The following ST3GAL4 variants were observed in gnomAD, a reference collection of about 807,000 sequenced individuals.
ST3GAL4 encodes CMP-N-acetylneuraminate-beta-galactosamide-alpha-2,3-sialyltransferase 4.
Under a neutral mutation model 42.6 loss-of-function variants are expected in ST3GAL4, and 24 were observed. The observed-to-expected ratio is 0.56, with a 90% CI of 0.41 to 0.79. The LOEUF is 0.79. ST3GAL4 is among the 30% of genes least tolerant of loss of function. The pLI is 0.00. For missense variants in ST3GAL4, 311 were observed against 430.8 expected, an observed-to-expected ratio of 0.72 and a Z score of 2.46; for synonymous variants, 135 against 163.2, an observed-to-expected ratio of 0.83 and a Z score of 1.32.
rs1953551452 is a variant in ST3GAL4, at chr11:126,392,341, C to CAG, written c.-60-13753_-60-13752dup. On this transcript the variant is annotated intron_variant, in intron 1 of 10. Coordinates refer to ENST00000444328, the MANE Select transcript of ST3GAL4 (RefSeq NM_001254757.2). This position sits in a 1 kb window ranked among gnomAD's most constrained non-coding sequence, Gnocchi z 5.8. ...GGACATCAGTTCTGATATGGTGCAG[C>CAG]AGACATGGAGCTGGTAAGTGGTTAA... is the stretch of plus-strand genomic sequence containing the variant. 2.0e-6 allele frequency: 2 copies of CAG among 985,792 alleles called. No individual in the cohort carries two copies. The highest frequency in any genetic ancestry group is 1.2e-4 in the Admixed American group (2 of 16,266). The allele number at this position is 985,792 out of a possible 1,614,324, so 61.1% of individuals were successfully genotyped here. A position where few individuals can be genotyped will look rare whatever the true frequency, so the allele number is the denominator to read the frequency against.
intron 1 of ST3GAL4, among the ~76,000 whole-genome samples, chr11:126,388,835 G>T (rs1399183217): frequency 1.6e-5 from 2 of 122,798 alleles, no homozygotes; most frequent in Non-Finnish European, 3.2e-5. Flanking sequence ...GCAGTGCAAT[G>T]ACACGATCTT....
At chr11:126,380,356 A>G (rs926127323) in intron 1 of ST3GAL4, among the ~76,000 whole-genome samples, 3 of 152,018 alleles carry the variant, frequency 2.0e-5, no homozygotes, top group African/African-American at 7.2e-5. Context: ...ACCTGGTGGG[A>G]TATACTTTGG....
intron 1 of ST3GAL4, among the ~76,000 whole-genome samples, chr11:126,401,560 A>G (rs12285472): frequency 0.059 from 8,965 of 151,208 alleles, 906 homozygotes; most frequent in African/African-American, 0.21. Context: ...CCTCTCAGAA[A>G]AAAAAAAAGA....
rs866808284 is a variant in ST3GAL4 at position 126,376,534 on chromosome 11, A to G, written c.-61+20692A>G. 2.6e-5 allele frequency among the ~76,000 whole-genome samples: 4 copies of G among 152,188 alleles called. No individual in the cohort carries two copies. The highest frequency in any genetic ancestry group is 5.9e-5 in the Non-Finnish European group (4 of 68,026). On this transcript the variant is annotated intron_variant, in intron 1 of 10. Transcript: ENST00000444328. This position sits in a 1 kb window ranked among gnomAD's most constrained non-coding sequence, Gnocchi z 5.1. ...TTAGTTGGCTACTTATGATTGGCTGAAGTTTTATTTGTGTCAAACAGAAGC... is the reference window on the plus strand; with the variant it reads ...TTAGTTGGCTACTTATGATTGGCTGGAGTTTTATTTGTGTCAAACAGAAGC...
intron 1 of ST3GAL4, among the ~76,000 whole-genome samples, chr11:126,390,330 TG>T (rs771916933): frequency 1.2e-4 from 18 of 151,530 alleles, no homozygotes; most frequent in Admixed American, 2.0e-4. Context: ...CCAGTTTGTT[TG>T]TTTTTTTTTG....
In ST3GAL4 at chr11:126,391,622, TG is replaced by T. The variant is rs1458185161; in HGVS notation, c.-60-14472del. Among the ~76,000 whole-genome samples, 1 of 152,214 alleles carries T rather than the reference TG, an allele frequency of 6.6e-6. No individual in the cohort carries two copies. The highest frequency in any genetic ancestry group is 1.5e-5 in the Non-Finnish European group (1 of 68,024). ...CATTCAGTGCAGGGCAGAGCCTGGG[TG>T]GCAGTGCCTCTCCTTGCCTCCCTGG... On this transcript the variant is annotated intron_variant, in intron 1 of 10. Transcript: ENST00000444328. The surrounding 1 kb of genome is among the most constrained non-coding windows in gnomAD (Gnocchi z 5.5).
chr11:126,397,071 C>T lies in ST3GAL4; in HGVS notation c.-60-9025C>T, dbSNP rs1953807809. 2.0e-5 allele frequency among the ~76,000 whole-genome samples: 3 copies of T among 152,228 alleles called. No homozygotes were observed. Among genetic ancestry groups the T allele is most frequent in the African/African-American group, 7.2e-5 (3 of 41,468 alleles). Reference sequence around the variant, plus strand: ...CCCGCAACAGTGAACTCTCTGGCCCCTCCAAGTCAGTGGTGCAGAGATTGA... The same window carrying T: ...CCCGCAACAGTGAACTCTCTGGCCCTTCCAAGTCAGTGGTGCAGAGATTGA... On this transcript the variant is annotated intron_variant, in intron 1 of 10. Coordinates refer to ENST00000444328, the MANE Select transcript of ST3GAL4 (RefSeq NM_001254757.2). The surrounding 1 kb of genome is among the most constrained non-coding windows in gnomAD (Gnocchi z 5.0).
At chr11:126,407,776 T>C in intron 6 of ST3GAL4, 142 bp downstream of exon 6, 2 of 942,942 alleles carry the variant, frequency 2.1e-6, no homozygotes. Flanking sequence ...TAGCCTAGCC[T>C]GGGCATCTGG....
intron 1 of ST3GAL4, among the ~76,000 whole-genome samples, chr11:126,387,883 C>T (rs1020416201): frequency 1.3e-5 from 2 of 152,124 alleles, no homozygotes; most frequent in Non-Finnish European, 2.9e-5. Context: ...ATATGGATAT[C>T]GTTGTTTTCA....
chr11:126,399,747 C>T (rs938349670), intron 1 of ST3GAL4, among the ~76,000 whole-genome samples: 1 of 152,216 alleles, frequency 6.6e-6, no homozygotes, highest in Non-Finnish European at 1.5e-5. Context: ...GTTTATCACT[C>T]TTAAGTTCTG....
chr11:126,395,376 A>G (rs531766500), intron 1 of ST3GAL4, among the ~76,000 whole-genome samples: 1 of 152,108 alleles, frequency 6.6e-6, no homozygotes, highest in Non-Finnish European at 1.5e-5. Context: ...CTGAGTAAAG[A>G]GCTGGACGGA....
chr11:126,394,323 C>G (rs1953643799), intron 1 of ST3GAL4, among the ~76,000 whole-genome samples: 1 of 152,244 alleles, frequency 6.6e-6, no homozygotes, highest in Non-Finnish European at 1.5e-5. Context: ...TGGGCCTGGC[C>G]CTGCTCTCTT....
Position 126,406,326 on chromosome 11 carries a change from A to G in ST3GAL4, c.17-147A>G, listed in dbSNP as rs1284283235. ...AGGACAGTGGGTACAATCAGGGTCA[A>G]GCCCTCAGCCAGGGCCAGGAGAGGG... On this transcript the variant is annotated intron_variant, in intron 2 of 10. Transcript: ENST00000444328. This position sits in a 1 kb window ranked among gnomAD's most constrained non-coding sequence, Gnocchi z 5.4. The G allele has an allele frequency of 6.5e-7, 1 of 1,540,068 alleles. No homozygotes were observed. Among genetic ancestry groups the G allele is most frequent in the Non-Finnish European group, 8.8e-7 (1 of 1,142,082 alleles).
rs10683946 is a variant in ST3GAL4, at chr11:126,388,767, CTTTTTTTT to C, written c.-60-17315_-60-17308del. 1.5e-3 allele frequency among the ~76,000 whole-genome samples: 77 copies of C among 52,044 alleles called. 3 individuals carry two copies. Among genetic ancestry groups the C allele is most frequent in the African/African-American group, 6.5e-3 (72 of 11,010 alleles). The allele number at this position is 52,044 out of a possible 152,430, so 34.1% of individuals were successfully genotyped here. ...CAAATGTACTTTAGTTTTTCAGTGT[CTTTTTTTT>C]TTTTTTTTTTTTTGAGACGGATTTT... On this transcript the variant is annotated intron_variant, in intron 1 of 10. Coordinates refer to ENST00000444328, the MANE Select transcript of ST3GAL4 (RefSeq NM_001254757.2).
intron 4 of ST3GAL4, 51 bp from the exon 5 acceptor site, chr11:126,407,201 C>T: frequency 2.5e-6 from 4 of 1,591,032 alleles, no homozygotes; most frequent in Non-Finnish European, 3.5e-6. Flanking sequence ...CTACTTCTGG[C>T]ATCAAGATTA....
chr11:126,363,773 C>G lies in ST3GAL4; in HGVS notation c.-61+7931C>G, dbSNP rs997907230. Among the ~76,000 whole-genome samples, 1 of 152,170 alleles carries G rather than the reference C, an allele frequency of 6.6e-6. No homozygotes were observed. Among genetic ancestry groups the G allele is most frequent in the Non-Finnish European group, 1.5e-5 (1 of 68,028 alleles). On this transcript the variant is annotated intron_variant, in intron 1 of 10. Transcript: ENST00000444328. The surrounding 1 kb of genome is among the most constrained non-coding windows in gnomAD (Gnocchi z 4.6). ...GCTCTTTCTCCCAGGGGAAGCTGCTCGAATGAGGGGAGTTGGCCAACACAG... is the reference window on the plus strand; with the variant it reads ...GCTCTTTCTCCCAGGGGAAGCTGCTGGAATGAGGGGAGTTGGCCAACACAG...
At chr11:126,358,025 G>A (rs1483629799) in intron 1 of ST3GAL4, among the ~76,000 whole-genome samples, 1 of 152,246 alleles carries the variant, frequency 6.6e-6, no homozygotes, top group Non-Finnish European at 1.5e-5. Context: ...GGGAGCTTGG[G>A]CCCCAAGTGG....
In ST3GAL4 at chr11:126,411,358, G is replaced by A. The variant is rs1443459094; in HGVS notation, c.771+1947G>A. 1.3e-5 allele frequency among the ~76,000 whole-genome samples: 2 copies of A among 151,982 alleles called. No individual in the cohort carries two copies. Among genetic ancestry groups the A allele is most frequent in the African/African-American group, 4.8e-5 (2 of 41,372 alleles). ...TACAAAACACAGGAGTGCTGGTCTC[G>A]AACTCCTGACCTTAGGTGATCTACC... On this transcript the variant is annotated intron_variant, in intron 9 of 10. Coordinates refer to ENST00000444328, the MANE Select transcript of ST3GAL4 (RefSeq NM_001254757.2). The surrounding 1 kb of genome is among the most constrained non-coding windows in gnomAD (Gnocchi z 6.3).
chr11:126,404,384 T>C (rs571912613), intron 1 of ST3GAL4, among the ~76,000 whole-genome samples: 1 of 152,342 alleles, frequency 6.6e-6, no homozygotes, highest in East Asian at 1.9e-4. Flanking sequence ...TGATGTACTC[T>C]ACTGTGTGCC....
Sources: gnomAD v4.1 joint callset for allele counts (sites outside exome capture counted in the v4.1 genomes callset) on GRCh38, gnomAD v4.1.1 for gene constraint, Gnocchi (gnomAD v3.1) non-coding constraint, MANE v1.5 for transcripts, NCBI Gene and HGNC (gene_info 2026-07-23, HGNC 2026-07-21) for gene names.